The following PRKAR1A variants were observed in gnomAD, a reference collection of about 807,000 sequenced individuals.
The protein encoded by PRKAR1A is cAMP-dependent protein kinase type I-alpha regulatory subunit.
Under a neutral mutation model 52.0 loss-of-function variants are expected in PRKAR1A, and 3 were observed. That is an observed-to-expected ratio of 0.06 (90% CI 0.03 to 0.15). The LOEUF (loss-of-function observed/expected upper bound fraction) is 0.15, where lower values mean the gene tolerates loss of function less well. Ranked by LOEUF, PRKAR1A falls within the 10% of genes least tolerant of loss-of-function variation. The pLI is 1.00. For synonymous variants in PRKAR1A, 188 were observed against 168.4 expected, an observed-to-expected ratio of 1.12 and a Z score of -0.90; for missense variants, 240 against 477.4, an observed-to-expected ratio of 0.50 and a Z score of 4.63.
chr17:68,533,739 C>T (rs543012097), downstream of PRKAR1A, among the ~76,000 whole-genome samples: 15 of 152,226 alleles, frequency 9.9e-5, no homozygotes, highest in South Asian at 2.9e-3. Flanking sequence ...GTCTATTTAT[C>T]GATCTGTCTA....
chr17:68,516,486 G>C (rs1165951965), intron 2 of PRKAR1A, among the ~76,000 whole-genome samples: 1 of 151,926 alleles, frequency 6.6e-6, no homozygotes, highest in East Asian at 1.9e-4. Context: ...CAAAAGAAAT[G>C]ATTCATATAC....
At chr17:68,548,750 T>TTG (rs2086689708) in intron 11 of PRKAR1A, among the ~76,000 whole-genome samples, 2 of 139,186 alleles carry the variant, frequency 1.4e-5, no homozygotes, top group East Asian at 2.0e-4. Context: ...TTTTTTTTTT[T>TTG]GAGACAGAAT....
At chr17:68,540,423 A>G (rs2086233117) in intron 11 of PRKAR1A, 4 of 462,160 alleles carry the variant, frequency 8.7e-6, no homozygotes, top group Non-Finnish European at 1.3e-5. Context: ...GGCCACCTTC[A>G]TAAGTGTCTC....
chr17:68,434,065 C>A, the PRKAR1A span, among the ~76,000 whole-genome samples: 1 of 151,990 alleles, frequency 6.6e-6, no homozygotes, highest in African/African-American at 2.4e-5. Flanking sequence ...CCACCGCGCC[C>A]GGCCCATAGT....
the PRKAR1A span, among the ~76,000 whole-genome samples, chr17:68,439,670 G>A: frequency 6.6e-6 from 1 of 152,224 alleles, no homozygotes; most frequent in Non-Finnish European, 1.5e-5. Context: ...TTTAAGGCAT[G>A]TTTCAGGAAT....
rs376701965 is a variant in PRKAR1A at position 68,527,872 on chromosome 17, G to C, written c.741G>C (p.Glu247Asp). Reference sequence around the variant, plus strand: ...CACTGAGAAAGCGGAAGATGTATGAGGAATTCCTTAGTAAAGTCTCTATTT... The same window carrying C: ...CACTGAGAAAGCGGAAGATGTATGACGAATTCCTTAGTAAAGTCTCTATTT... ...GSTLRKRKMYEEFLSKVSILE... is the reference protein window; with the variant it reads ...GSTLRKRKMYDEFLSKVSILE... The change falls in exon 8 of 11, where the codon GAG becomes GAC. Residue 247 changes from glutamate to aspartate, a missense_variant. Around this residue, in one of 4 missense-constraint regions of PRKAR1A, gnomAD observed 107 missense variants for 290.9 expected, o/e 0.37. Transcript: ENST00000589228. 1.2e-6 allele frequency: 2 copies of C among 1,612,488 alleles called. No individual in the cohort carries two copies. Among genetic ancestry groups the C allele is most frequent in the Non-Finnish European group, 1.7e-6 (2 of 1,178,788 alleles).
the PRKAR1A span, among the ~76,000 whole-genome samples, chr17:68,486,511 T>TCCTTCCTTCCTTCCC: frequency 7.4e-3 from 311 of 42,266 alleles, 3 homozygotes; most frequent in African/African-American, 0.015. Context: ...CCTTCCTTCT[T>TCCTTCCTTCCTTCCC]TCTTTCTTTC....
chr17:68,425,382 CTTT>C, the PRKAR1A span, among the ~76,000 whole-genome samples: 28,584 of 132,190 alleles, frequency 0.22, 3,001 homozygotes, highest in Middle Eastern at 0.3. Context: ...TTTTTCTTTT[CTTT>C]TTTTTTTTTT....
At chr17:68,429,012 C>A in the PRKAR1A span, 1 of 1,117,084 alleles carries the variant, frequency 9.0e-7, no homozygotes. Context: ...ACAAAGCCCC[C>A]CTCACCCTAG....
the PRKAR1A span, among the ~76,000 whole-genome samples, chr17:68,427,916 G>T: frequency 6.6e-6 from 1 of 152,096 alleles, no homozygotes; most frequent in Non-Finnish European, 1.5e-5. Context: ...TTGAGACAGG[G>T]TCTCACTCTG....
chr17:68,516,137 A>G (rs2085425905), intron 2 of PRKAR1A, among the ~76,000 whole-genome samples: 2 of 152,114 alleles, frequency 1.3e-5, no homozygotes, highest in Admixed American at 1.3e-4. Context: ...ACTCCATTTT[A>G]TTGGTCAGGA....
At chr17:68,448,651 C>T in the PRKAR1A span, among the ~76,000 whole-genome samples, 3 of 152,172 alleles carry the variant, frequency 2.0e-5, no homozygotes, top group Non-Finnish European at 4.4e-5. Flanking sequence ...ATACAATAGA[C>T]GCTATTTGAG....
At chr17:68,450,942 CAAG>C in the PRKAR1A span, 7 of 1,576,688 alleles carry the variant, frequency 4.4e-6, no homozygotes, top group Non-Finnish European at 4.3e-6. Flanking sequence ...TGATCACTTC[CAAG>C]AAGGATTCCA....
At chr17:68,486,457 CTT>C in the PRKAR1A span, among the ~76,000 whole-genome samples, 1 of 146,432 alleles carries the variant, frequency 6.8e-6, no homozygotes, top group Non-Finnish European at 1.5e-5. Context: ...TTCCCTCTTT[CTT>C]TCTTTCTTTC....
chr17:68,438,691 C>G, the PRKAR1A span, among the ~76,000 whole-genome samples: 6 of 152,248 alleles, frequency 3.9e-5, no homozygotes, highest in Non-Finnish European at 7.3e-5. Context: ...ACCTCCGCCT[C>G]TTTGGTTCAA....
exon 12 of PRKAR1A, chr17:68,551,156 C>G: frequency 1.6e-6 from 2 of 1,229,776 alleles, no homozygotes; most frequent in Non-Finnish European, 2.0e-6. Flanking sequence ...GAGACCCTAA[C>G]CTGTGGGCTG....
At chr17:68,426,254 G>GGGCCCCCCCCCCCCCCCCCCCCCC in the PRKAR1A span, 1 of 816,924 alleles carries the variant, frequency 1.2e-6, no homozygotes, top group Non-Finnish European at 1.9e-6. Flanking sequence ...GGGAGCGGGG[G>GGGCCCCCCCCCCCCCCCCCCCCCC]CTCAAATAAA....
chr17:68,500,848 G>A, the PRKAR1A span, among the ~76,000 whole-genome samples: 1 of 152,026 alleles, frequency 6.6e-6, no homozygotes, highest in Non-Finnish European at 1.5e-5. Flanking sequence ...GCATGAAAAT[G>A]GACAAATATA....
the PRKAR1A span, among the ~76,000 whole-genome samples, chr17:68,444,089 G>A: frequency 6.6e-6 from 1 of 152,124 alleles, no homozygotes; most frequent in Non-Finnish European, 1.5e-5. Context: ...TCTTTTTGCT[G>A]GCCATGCAGA....
Sources: gnomAD v4.1 joint callset for allele counts (sites outside exome capture counted in the v4.1 genomes callset) on GRCh38, gnomAD v4.1.1 for gene constraint, gnomAD v4.1.1 regional missense constraint, MANE v1.5 for transcripts, NCBI Gene and HGNC (gene_info 2026-07-23, HGNC 2026-07-21) for gene names.